Variants in AGO3 observed in about 807,000 individuals in gnomAD.
AGO3 encodes the protein argonaute RISC catalytic component 3, also known as protein argonaute-3.
In AGO3, 16 loss-of-function variants were observed where a neutral mutation model predicts 105.5. The ratio of observed to expected loss-of-function variants is 0.15; its 90% confidence interval spans 0.10 to 0.23. The LOEUF (loss-of-function observed/expected upper bound fraction) is 0.23. AGO3 is among the 10% of genes least tolerant of loss of function. The pLI, the probability that AGO3 is intolerant of heterozygous loss-of-function variation, is 1.00. For synonymous variants in AGO3, 340 were observed against 367.3 expected (o/e 0.93, Z 0.85); for missense variants, 534 against 1,088.0 (o/e 0.49, Z 7.16).
intron 2 of AGO3, among the ~76,000 whole-genome samples, chr1:35,948,518 C>T (rs1288392064): frequency 2.0e-5 from 3 of 148,202 alleles, no homozygotes; most frequent in Non-Finnish European, 4.5e-5. Flanking sequence ...AGGCGTGAGC[C>T]ACTGTGCCCG....
intron 5 of AGO3, among the ~76,000 whole-genome samples, chr1:35,990,004 G>A (rs1480663354): frequency 1.3e-5 from 2 of 152,216 alleles, no homozygotes; most frequent in East Asian, 3.9e-4. Flanking sequence ...TAATACTACA[G>A]TGTTGCATGT....
chr1:35,968,330 G>T (rs185929514), intron 3 of AGO3, among the ~76,000 whole-genome samples: 99 of 152,118 alleles, frequency 6.5e-4, no homozygotes, highest in African/African-American at 2.3e-3. Context: ...ATATTTCAGT[G>T]GTATTAAGCA....
intron 17 of AGO3, among the ~76,000 whole-genome samples, chr1:36,054,065 G>GGGCT (rs1444882129): frequency 6.6e-6 from 1 of 151,760 alleles, no homozygotes; most frequent in Non-Finnish European, 1.5e-5. Context: ...ACAAACTCCT[G>GGGCT]GGCTTGAGCT....
In AGO3 at chr1:36,004,325, G is replaced by C. The variant is rs1387522763; in HGVS notation, c.659-16G>C. 1.3e-6 allele frequency: 2 copies of C among 1,589,728 alleles called. No homozygotes were observed. The highest frequency in any genetic ancestry group is 1.7e-6 in the Non-Finnish European group (2 of 1,168,318). ...AGGGAAACATTAATTTGTATTGTTT[G>C]TGTTTTTCTTCTTAGTTTCTGCCAC... On this transcript the variant is annotated splice_polypyrimidine_tract_variant and intron_variant, in intron 5 of 18. Coordinates refer to ENST00000373191, the MANE Select transcript of AGO3 (RefSeq NM_024852.4).
At chr1:36,048,176 A>C (rs1419317220) in intron 17 of AGO3, among the ~76,000 whole-genome samples, 1 of 152,104 alleles carries the variant, frequency 6.6e-6, no homozygotes, top group African/African-American at 2.4e-5. Context: ...GTCAGCCAAG[A>C]ATGCTGTACC....
intron 11 of AGO3, among the ~76,000 whole-genome samples, chr1:36,017,721 G>A (rs1231863522): frequency 6.6e-6 from 1 of 151,944 alleles, no homozygotes; most frequent in Non-Finnish European, 1.5e-5. Context: ...TAGGCAACAT[G>A]GCAAAACCCT....
chr1:35,946,951 A>G (rs1434263081), intron 2 of AGO3, among the ~76,000 whole-genome samples: 1 of 152,222 alleles, frequency 6.6e-6, no homozygotes, highest in Non-Finnish European at 1.5e-5. Context: ...GATTTAGTCA[A>G]GAACACATGT....
At chr1:35,946,897 C>A (rs1646375783) in intron 2 of AGO3, among the ~76,000 whole-genome samples, 1 of 152,112 alleles carries the variant, frequency 6.6e-6, no homozygotes, top group African/African-American at 2.4e-5. Context: ...GTTAACTAAT[C>A]CAATACCTTT....
At chr1:36,043,424 A>G (rs1009101209) in intron 16 of AGO3, 23 bp from the exon 17 acceptor site, 4 of 1,592,372 alleles carry the variant, frequency 2.5e-6, no homozygotes, top group East Asian at 2.2e-5. Context: ...TTGTTTGTTT[A>G]AACTTTAACC....
Position 36,014,358 on chromosome 1 carries a change from A to G in AGO3, c.1406+310A>G, listed in dbSNP as rs1456239142. 3.3e-5 allele frequency among the ~76,000 whole-genome samples: 5 copies of G among 151,818 alleles called. 1 individual carries two copies. The highest frequency in any genetic ancestry group is 2.0e-4 in the East Asian group (1 of 5,070). On this transcript the variant is annotated intron_variant, in intron 11 of 18. Transcript: ENST00000373191. ...TTTTTAGTAGAGATGGGGTTTCACC[A>G]TGTTGGCCAGGCTGGTCTCAAACTC... is the stretch of plus-strand genomic sequence containing the variant.
At chr1:36,034,450 T>C in intron 13 of AGO3, 117 bp downstream of exon 13, 1 of 663,786 alleles carries the variant, frequency 1.5e-6, no homozygotes, top group African/African-American at 1.9e-5. Flanking sequence ...ATTCCTACTA[T>C]GGGAGATTCG....
At position 36,044,633 on chromosome 1, in the gene AGO3, G is replaced by C. The variant is rs369962699; in HGVS notation, c.2274+1085G>C. Among the ~76,000 whole-genome samples the C allele has an allele frequency of 1.2e-4, 18 of 152,082 alleles. No individual in the cohort carries two copies. In the East Asian group the frequency reaches 3.3e-3, roughly 28 times the overall value. ...TTTTTATTTTTTCTAGTAGAGACAG[G>C]GTTTCACCATGTTGGCCAGGCTGGT... is the stretch of plus-strand genomic sequence containing the variant. On this transcript the variant is annotated intron_variant, in intron 17 of 18. Coordinates refer to ENST00000373191, the MANE Select transcript of AGO3 (RefSeq NM_024852.4).
chr1:36,057,635 A>G lies in AGO3; in HGVS notation c.*1890A>G, dbSNP rs1642962328. The G allele has an allele frequency of 6.6e-6, 1 of 152,164 alleles. No individual in the cohort carries two copies. The highest frequency in any genetic ancestry group is 6.5e-5 in the Admixed American group (1 of 15,272). The allele number at this position is 152,164 out of a possible 1,614,324, so 9.4% of individuals were successfully genotyped here. A position where few individuals can be genotyped will look rare whatever the true frequency, so the allele number is the denominator to read the frequency against. ...GCAAAGAATACAGCCTTAATTTCAG[A>G]AGGAAAGTTTTGTAATTTTCAGTTT... is the stretch of plus-strand genomic sequence containing the variant. On this transcript the variant is annotated 3_prime_UTR_variant, in exon 19 of 19. Coordinates refer to ENST00000373191, the MANE Select transcript of AGO3 (RefSeq NM_024852.4).
chr1:35,979,312 C>T (rs756514541), intron 5 of AGO3, among the ~76,000 whole-genome samples: 3 of 151,844 alleles, frequency 2.0e-5, no homozygotes, highest in South Asian at 2.1e-4. Flanking sequence ...TGCAGTGAGC[C>T]GAGATCGCGC....
rs1001635373 is a variant in AGO3 at position 36,015,321 on chromosome 1, G to GTAC, written c.1406+1274_1406+1276dup. Among the ~76,000 whole-genome samples the GTAC allele has an allele frequency of 3.9e-5, 6 of 152,264 alleles. No individual in the cohort carries two copies. In the South Asian group the frequency reaches 6.2e-4, roughly 16 times the overall value. ...TGTGGAGTTTACATGCCATCCCTGGGTACACCACCCTCCAGGAACCTTTGT... is the reference window on the plus strand; with the variant it reads ...TGTGGAGTTTACATGCCATCCCTGGGTACTACACCACCCTCCAGGAACCTTTGT... On this transcript the variant is annotated intron_variant, in intron 11 of 18. Transcript: ENST00000373191.
Position 35,972,084 on chromosome 1 carries a change from A to G in AGO3, c.373A>G (p.Ile125Val), listed in dbSNP as rs776752895. Residue 125 changes from isoleucine (I) to valine (V), a missense_variant, in exon 4 of 19, where the codon ATC becomes GTC. Transcript: ENST00000373191. The stretch of plus-strand genomic sequence containing the variant: ...AAAAGATCGACCTTTCAAGGTGTCA[A>G]TCAAATTTGTCTCTCGGGTGAGTTG... Reference protein sequence around the residue: ...GGKDRPFKVSIKFVSRVSWHL... With the variant: ...GGKDRPFKVSVKFVSRVSWHL... 17 of 1,614,114 alleles carry G rather than the reference A, an allele frequency of 1.1e-5. No individual in the cohort carries two copies. The highest frequency in any genetic ancestry group is 1.7e-4 in the Middle Eastern group (1 of 6,042).
chr1:36,003,709 A>AAAAAAAAT (rs1295618675), intron 5 of AGO3, among the ~76,000 whole-genome samples: 42 of 99,430 alleles, frequency 4.2e-4, no homozygotes, highest in Non-Finnish European at 5.2e-4. Flanking sequence ...AAAAAAAAAA[A>AAAAAAAAT]ATATATATAT....
chr1:36,016,233 G>A (rs1409022473), intron 11 of AGO3, among the ~76,000 whole-genome samples: 1 of 152,218 alleles, frequency 6.6e-6, no homozygotes, highest in Non-Finnish European at 1.5e-5. Flanking sequence ...CCAGGCTGGA[G>A]TGCAGTGGCG....
Position 35,966,515 on chromosome 1 carries a change from G to A in AGO3, c.192-440G>A, listed in dbSNP as rs145689930. Among the ~76,000 whole-genome samples the A allele has an allele frequency of 2.1e-4, 32 of 152,290 alleles. No homozygotes were observed. The East Asian group carries it at 6.2e-3, about 29-fold the overall frequency. ...CAGGTATGTTTGCTGCTCTCAGGAG[G>A]CTCACAGTTAGAAGAATTGAAAATA... On this transcript the variant is annotated intron_variant, in intron 2 of 18. Transcript: ENST00000373191.
Sources: gnomAD v4.1 joint callset for allele counts (sites outside exome capture counted in the v4.1 genomes callset) on GRCh38, gnomAD v4.1.1 for gene constraint, MANE v1.5 for transcripts, NCBI Gene and HGNC (gene_info 2026-07-23, HGNC 2026-07-21) for gene names.